BRINP2: variants seen among roughly 807,000 people sequenced by gnomAD.
BRINP2 encodes the protein BMP/retinoic acid-inducible neural-specific protein 2.
Under a neutral mutation model 69.2 loss-of-function variants are expected in BRINP2, and 21 were observed. That is an observed-to-expected ratio of 0.30 (90% CI 0.22 to 0.44). The LOEUF (loss-of-function observed/expected upper bound fraction) is 0.44, where lower values mean the gene tolerates loss of function less well. Ranked by LOEUF, BRINP2 falls within the 20% of genes least tolerant of loss-of-function variation. BRINP2 has a pLI of 1.00. For missense variants in BRINP2, 877 were observed against 986.0 expected (o/e 0.89, Z 1.48); for synonymous variants, 380 against 394.1 (o/e 0.96, Z 0.42).
intron 7 of BRINP2, 67 bp from the exon 8 acceptor site, chr1:177,280,345 C>T: frequency 1.4e-6 from 2 of 1,443,504 alleles, no homozygotes; most frequent in Non-Finnish European, 1.9e-6. Flanking sequence ...TGTCTTGCTG[C>T]CCTTAAGAAG....
chr1:177,237,381 T>G (rs1289880862), intron 2 of BRINP2, among the ~76,000 whole-genome samples: 1 of 149,486 alleles, frequency 6.7e-6, no homozygotes, highest in Admixed American at 6.8e-5. Flanking sequence ...CCTCAAATGC[T>G]AGAAAGAAGA....
At chr1:177,264,090 G>A (rs961475976) in intron 4 of BRINP2, among the ~76,000 whole-genome samples, 1 of 152,146 alleles carries the variant, frequency 6.6e-6, no homozygotes, top group African/African-American at 2.4e-5. Context: ...TCCCCATTTA[G>A]TCCTGTAGGG....
chr1:177,250,572 G>A (rs1558177090), intron 2 of BRINP2, among the ~76,000 whole-genome samples: 3 of 152,170 alleles, frequency 2.0e-5, no homozygotes, highest in Admixed American at 6.5e-5. Context: ...TGATCCACCC[G>A]CCTTGGCCTC....
intron 4 of BRINP2, among the ~76,000 whole-genome samples, chr1:177,259,059 A>C (rs1650858158): frequency 6.6e-6 from 1 of 152,254 alleles, no homozygotes; most frequent in Non-Finnish European, 1.5e-5. Context: ...GAGAAAGGCC[A>C]AAACCTAGGC....
At chr1:177,242,600 G>T (rs1650240356) in intron 2 of BRINP2, among the ~76,000 whole-genome samples, 1 of 152,096 alleles carries the variant, frequency 6.6e-6, no homozygotes, top group Admixed American at 6.5e-5. Flanking sequence ...ACAAGAGTTG[G>T]TTACTCCTAC....
At chr1:177,187,065 G>A (rs1240879550) in intron 1 of BRINP2, among the ~76,000 whole-genome samples, 1 of 152,172 alleles carries the variant, frequency 6.6e-6, no homozygotes, top group Non-Finnish European at 1.5e-5. Context: ...GAAGTGACAG[G>A]AGGGACAAAT....
chr1:177,272,982 G>A (rs982562768), intron 4 of BRINP2, among the ~76,000 whole-genome samples: 2 of 152,160 alleles, frequency 1.3e-5, no homozygotes, highest in Admixed American at 6.5e-5. Flanking sequence ...TTTCTCTAAG[G>A]ATGTCTCAGT....
chr1:177,187,025 C>T (rs949684972), intron 1 of BRINP2, among the ~76,000 whole-genome samples: 5 of 152,276 alleles, frequency 3.3e-5, no homozygotes, highest in Middle Eastern at 3.4e-3. Context: ...AATTTTTCCT[C>T]TCAACCACTT....
intron 2 of BRINP2, among the ~76,000 whole-genome samples, chr1:177,238,268 C>T (rs1650089858): frequency 6.6e-6 from 1 of 152,244 alleles, no homozygotes; most frequent in East Asian, 1.9e-4. Flanking sequence ...ATCTTCCCCT[C>T]TGGGAGTAGA....
chr1:177,178,220 C>A (rs1648145536), intron 1 of BRINP2, among the ~76,000 whole-genome samples: 1 of 152,200 alleles, frequency 6.6e-6, no homozygotes, highest in Admixed American at 6.5e-5. Context: ...GCTAGCCAGT[C>A]CAGTCTCTTC....
Position 177,280,408 on chromosome 1 carries a change from C to T in BRINP2, c.1236-4C>T, listed in dbSNP as rs1242212283. 6.3e-7 allele frequency: 1 copy of T among 1,590,056 alleles called. No individual in the cohort carries two copies. The highest frequency in any genetic ancestry group is 8.6e-7 in the Non-Finnish European group (1 of 1,167,402). ...CTTACTTCATTTTATCTCTGCTCCC[C>T]AAGGTCCTTGTCCTACTGGTGGAAC... On this transcript the variant is annotated splice_region_variant and splice_polypyrimidine_tract_variant and intron_variant, in intron 7 of 7. Transcript: ENST00000361539.
intron 1 of BRINP2, among the ~76,000 whole-genome samples, chr1:177,219,989 A>T (rs894638530): frequency 3.9e-5 from 6 of 152,194 alleles, no homozygotes; most frequent in Non-Finnish European, 7.3e-5. Context: ...TCAACAAGGG[A>T]TTGAAGTAGA....
Position 177,196,232 on chromosome 1 carries a change from C to T in BRINP2, c.-77+24500C>T, listed in dbSNP as rs1648739684. Among the ~76,000 whole-genome samples the T allele has an allele frequency of 2.0e-5, 3 of 152,192 alleles. No homozygotes were observed. The South Asian group carries it at 6.2e-4, about 32-fold the overall frequency. ...CAACCCAGATATACCTTAGAATCAC[C>T]TAATGAACCTTGGATGCTTACCAGT... is the stretch of plus-strand genomic sequence containing the variant. On this transcript the variant is annotated intron_variant, in intron 1 of 7. Coordinates refer to ENST00000361539, the MANE Select transcript of BRINP2 (RefSeq NM_021165.4).
Position 177,200,687 on chromosome 1 carries a change from G to A in BRINP2, c.-77+28955G>A, listed in dbSNP as rs74127709. Among the ~76,000 whole-genome samples, 621 of 152,016 alleles carry A rather than the reference G, an allele frequency of 4.1e-3. 6 individuals are homozygous for A. The highest frequency in any genetic ancestry group is 0.014 in the African/African-American group (592 of 41,446). On this transcript the variant is annotated intron_variant, in intron 1 of 7. Transcript: ENST00000361539. ...TACTCTATATAAAGCAGCACACCCC[G>A]TCTCTCCTTGCCCTGCTTTCTTCTT... is the stretch of plus-strand genomic sequence containing the variant.
intron 4 of BRINP2, among the ~76,000 whole-genome samples, chr1:177,270,513 A>G (rs1389442278): frequency 1.4e-5 from 2 of 144,480 alleles, no homozygotes; most frequent in Non-Finnish European, 3.0e-5. Flanking sequence ...CGGGAAGCAG[A>G]TGCATTGGTG....
intron 1 of BRINP2, among the ~76,000 whole-genome samples, chr1:177,195,801 G>A (rs1486499996): frequency 1.3e-5 from 2 of 151,994 alleles, no homozygotes; most frequent in African/African-American, 2.4e-5. Context: ...TGGGGCCCAA[G>A]TCATGGATGA....
intron 2 of BRINP2, among the ~76,000 whole-genome samples, chr1:177,247,292 T>A (rs1176969335): frequency 6.6e-6 from 1 of 152,204 alleles, no homozygotes; most frequent in East Asian, 1.9e-4. Context: ...AGTTGGCAAG[T>A]CTCAAGCTAA....
intron 4 of BRINP2, among the ~76,000 whole-genome samples, chr1:177,262,494 G>C (rs1486103994): frequency 6.8e-6 from 1 of 146,510 alleles, no homozygotes; most frequent in East Asian, 2.2e-4. Context: ...CCTGGTGACA[G>C]AGCAAGCCTC....
intron 4 of BRINP2, among the ~76,000 whole-genome samples, chr1:177,265,716 A>G (rs565530352): frequency 2.0e-5 from 3 of 152,260 alleles, no homozygotes; most frequent in African/African-American, 7.2e-5. Context: ...GCCATTGCTC[A>G]TGGTGGGGCT....
Sources: gnomAD v4.1 joint callset for allele counts (sites outside exome capture counted in the v4.1 genomes callset) on GRCh38, gnomAD v4.1.1 for gene constraint, MANE v1.5 for transcripts, NCBI Gene and HGNC (gene_info 2026-07-23, HGNC 2026-07-21) for gene names.